Variants in GLIS3 observed in about 807,000 individuals in gnomAD.
GLIS3 encodes the protein zinc finger protein GLIS3.
A neutral mutation model predicts 78.6 loss-of-function variants in GLIS3; 53 were observed. That is an observed-to-expected ratio of 0.67 (90% CI 0.54 to 0.85). The LOEUF is 0.85. GLIS3 is among the 40% of genes least tolerant of loss of function. GLIS3 has a pLI of 0.00. For synonymous variants in GLIS3, 684 were observed against 509.9 expected (o/e 1.34, Z -4.60); for missense variants, 1,703 against 1,231.1 (o/e 1.38, Z -5.74).
the GLIS3 span, among the ~76,000 whole-genome samples, chr9:4,404,009 C>G: frequency 1.3e-5 from 2 of 151,900 alleles, no homozygotes; most frequent in African/African-American, 4.8e-5. Flanking sequence ...CACACATAGG[C>G]TGAAAATAAA....
chr9:4,363,530 A>T, the GLIS3 span, among the ~76,000 whole-genome samples: 3 of 152,248 alleles, frequency 2.0e-5, no homozygotes, highest in African/African-American at 7.2e-5. Flanking sequence ...CTTCAAACAT[A>T]TTTAAGATAC....
At chr9:3,845,322 G>A (rs1818962452) in intron 9 of GLIS3, among the ~76,000 whole-genome samples, 2 of 152,044 alleles carry the variant, frequency 1.3e-5, no homozygotes, top group South Asian at 4.1e-4. Flanking sequence ...TAGAATGTGA[G>A]GTGCAGAACG....
At chr9:4,409,502 C>G in the GLIS3 span, among the ~76,000 whole-genome samples, 8 of 152,138 alleles carry the variant, frequency 5.3e-5, no homozygotes, top group Non-Finnish European at 1.0e-4. Flanking sequence ...TAATTACAGG[C>G]AGTCTCCTAT....
intron 2 of GLIS3, among the ~76,000 whole-genome samples, chr9:4,146,474 A>G (rs1303046678): frequency 1.3e-5 from 2 of 152,368 alleles, no homozygotes; most frequent in East Asian, 3.9e-4. Context: ...GCCTATTGCC[A>G]GTCTTTACCC....
intron 4 of GLIS3, among the ~76,000 whole-genome samples, chr9:4,010,558 A>G (rs1253616679): frequency 6.6e-6 from 1 of 152,152 alleles, no homozygotes; most frequent in Non-Finnish European, 1.5e-5. Context: ...CTCTCTGGTA[A>G]TAGCAGGCAG....
chr9:4,273,323 G>A (rs1399175204), intron 2 of GLIS3, among the ~76,000 whole-genome samples: 5 of 152,136 alleles, frequency 3.3e-5, no homozygotes, highest in Admixed American at 6.5e-5. Flanking sequence ...CACCAAGCAC[G>A]GTGGCTCATG....
At chr9:4,366,448 G>C in the GLIS3 span, among the ~76,000 whole-genome samples, 1 of 152,142 alleles carries the variant, frequency 6.6e-6, no homozygotes, top group Non-Finnish European at 1.5e-5. Flanking sequence ...CAAATAATTG[G>C]CTTGACTAGA....
chr9:3,951,170 T>A (rs556305362), intron 4 of GLIS3, among the ~76,000 whole-genome samples: 1 of 152,336 alleles, frequency 6.6e-6, no homozygotes, highest in Non-Finnish European at 1.5e-5. Flanking sequence ...ACTAAATACA[T>A]ATGGTGCAAT....
At chr9:4,421,911 G>A in the GLIS3 span, among the ~76,000 whole-genome samples, 4 of 152,108 alleles carry the variant, frequency 2.6e-5, no homozygotes, top group African/African-American at 9.7e-5. Flanking sequence ...ACATGAGTAG[G>A]AAAACAATCA....
At chr9:4,045,728 G>A (rs1057129874) in intron 4 of GLIS3, among the ~76,000 whole-genome samples, 1 of 152,108 alleles carries the variant, frequency 6.6e-6, no homozygotes, top group African/African-American at 2.4e-5. Flanking sequence ...CAGACAAGAG[G>A]CTGAAGGTGA....
At chr9:3,933,196 ATGT>A (rs772031861) in intron 5 of GLIS3, among the ~76,000 whole-genome samples, 2 of 145,986 alleles carry the variant, frequency 1.4e-5, no homozygotes, top group Non-Finnish European at 3.0e-5. Flanking sequence ...TTTTTTTTAG[ATGT>A]TGTTTTGTTC....
chr9:4,042,228 C>G (rs777323122), intron 4 of GLIS3, among the ~76,000 whole-genome samples: 1 of 151,998 alleles, frequency 6.6e-6, no homozygotes, highest in Non-Finnish European at 1.5e-5. Context: ...ACTCTGACAC[C>G]CTAGTAATTC....
the GLIS3 span, among the ~76,000 whole-genome samples, chr9:4,417,991 A>G: frequency 6.6e-6 from 1 of 152,236 alleles, no homozygotes; most frequent in Non-Finnish European, 1.5e-5. Flanking sequence ...CACAATATCT[A>G]GCATTCCTGG....
In GLIS3 at chr9:4,181,714, G is replaced by A. The variant is rs115296270; in HGVS notation, c.389-55773C>T. Among the ~76,000 whole-genome samples the A allele has an allele frequency of 1.9e-3, 297 of 152,322 alleles. 2 individuals carry two copies. The highest frequency in any genetic ancestry group is 6.6e-3 in the African/African-American group (273 of 41,568). ...TGTGAGTCTTGCTTTGGCTAATGAT[G>A]CAGAGGAAGGGACTTGAAAAACGCT... On this transcript the variant is annotated intron_variant, in intron 2 of 10. Coordinates refer to ENST00000381971, the MANE Select transcript of GLIS3 (RefSeq NM_001042413.2).
At chr9:3,942,700 C>T (rs1396761210) in intron 4 of GLIS3, among the ~76,000 whole-genome samples, 1 of 152,216 alleles carries the variant, frequency 6.6e-6, no homozygotes, top group Non-Finnish European at 1.5e-5. Flanking sequence ...CGTTAAAACA[C>T]AGACTCTGCC....
chr9:4,413,210 T>C, the GLIS3 span, among the ~76,000 whole-genome samples: 8 of 152,230 alleles, frequency 5.3e-5, no homozygotes, highest in African/African-American at 1.7e-4. Context: ...ATTTTGGATA[T>C]ACATTTAATA....
chr9:4,043,741 T>C (rs1208907686), intron 4 of GLIS3, among the ~76,000 whole-genome samples: 1 of 152,234 alleles, frequency 6.6e-6, no homozygotes, highest in African/African-American at 2.4e-5. Context: ...ATCTTTGAGC[T>C]ACTGGGAACT....
At chr9:4,140,234 A>C (rs1376486434) in intron 2 of GLIS3, among the ~76,000 whole-genome samples, 1 of 152,046 alleles carries the variant, frequency 6.6e-6, no homozygotes, top group African/African-American at 2.4e-5. Flanking sequence ...TAAGGTGGGA[A>C]AATTGCTTGA....
chr9:4,163,690 T>TATAATCGCC (rs1292177651), intron 2 of GLIS3, among the ~76,000 whole-genome samples: 12 of 152,342 alleles, frequency 7.9e-5, no homozygotes, highest in African/African-American at 2.9e-4. Flanking sequence ...TATTCTGAAA[T>TATAATCGCC]ATTAAATGGA....
Sources: gnomAD v4.1 joint callset for allele counts (sites outside exome capture counted in the v4.1 genomes callset) on GRCh38, gnomAD v4.1.1 for gene constraint, MANE v1.5 for transcripts, NCBI Gene and HGNC (gene_info 2026-07-23, HGNC 2026-07-21) for gene names.